Variants in ACACA observed in about 807,000 individuals in gnomAD.
ACACA encodes acetyl-CoA carboxylase alpha, also known as acetyl-CoA carboxylase 1.
ACACA carries 103 observed loss-of-function variants against 296.1 expected under a neutral mutation model. The observed-to-expected ratio is 0.35, with a 90% CI of 0.30 to 0.41. ACACA has a LOEUF of 0.41. ACACA is among the 10% of genes least tolerant of loss of function. The probability of loss-of-function intolerance (pLI) is 1.00; values close to 1 mark genes in which losing one functional copy is unlikely to be tolerated. For missense variants in ACACA, 1,554 were observed against 2,989.7 expected (o/e 0.52, Z 11.20); for synonymous variants, 953 against 1,038.6 (o/e 0.92, Z 1.58).
At chr17:37,227,957 C>G (rs547704090) in intron 25 of ACACA, among the ~76,000 whole-genome samples, 6 of 152,014 alleles carry the variant, frequency 3.9e-5, no homozygotes, top group African/African-American at 1.4e-4. Flanking sequence ...AAAGAAGACC[C>G]AAAGGGCCTG....
intron 45 of ACACA, among the ~76,000 whole-genome samples, chr17:37,141,780 C>A (rs146141512): frequency 6.6e-6 from 1 of 152,028 alleles, no homozygotes; most frequent in Admixed American, 6.6e-5. Flanking sequence ...CCACCTCTGC[C>A]TCCCAGGTTC....
chr17:37,211,074 TC>T (rs1487555014), intron 29 of ACACA, among the ~76,000 whole-genome samples: 1 of 152,066 alleles, frequency 6.6e-6, no homozygotes, highest in African/African-American at 2.4e-5. Context: ...ACCATACTCT[TC>T]CTCCCATGAA....
At chr17:37,087,540 G>A in intron 55 of ACACA, 101 bp from the exon 56 acceptor site, 1 of 1,419,978 alleles carries the variant, frequency 7.0e-7, no homozygotes, top group Non-Finnish European at 9.8e-7. Context: ...ACCGTCCACT[G>A]CAGACATTTT....
chr17:37,279,459 C>T (rs2082409454), intron 5 of ACACA, among the ~76,000 whole-genome samples: 1 of 151,994 alleles, frequency 6.6e-6, no homozygotes, highest in South Asian at 2.1e-4. Context: ...ATGGTGAAAC[C>T]CCATCTCTAC....
chr17:37,262,102 A>G (rs1203328949), intron 11 of ACACA, among the ~76,000 whole-genome samples: 1 of 152,090 alleles, frequency 6.6e-6, no homozygotes, highest in Non-Finnish European at 1.5e-5. Flanking sequence ...AGTAGGAAAA[A>G]GGATAAAGGG....
chr17:37,303,617 G>A (rs2083732936), intron 3 of ACACA, among the ~76,000 whole-genome samples: 1 of 152,192 alleles, frequency 6.6e-6, no homozygotes, highest in Non-Finnish European at 1.5e-5. Flanking sequence ...TAGCACTTTG[G>A]GAGGCCGAGG....
chr17:37,224,244 T>C (rs1223455843), intron 27 of ACACA, among the ~76,000 whole-genome samples: 2 of 152,154 alleles, frequency 1.3e-5, no homozygotes, highest in South Asian at 2.1e-4. Context: ...TACTCCACTA[T>C]GGTAAACCCT....
chr17:37,099,454 CGGG>C (rs2073189139), intron 52 of ACACA, among the ~76,000 whole-genome samples: 1 of 128,932 alleles, frequency 7.8e-6, no homozygotes, highest in African/African-American at 2.9e-5. Context: ...GGGCTGATGG[CGGG>C]AGGGCTGAGG....
intron 34 of ACACA, 31 bp from the exon 35 acceptor site, chr17:37,200,214 GAC>G: frequency 4.4e-6 from 7 of 1,580,452 alleles, no homozygotes; most frequent in Non-Finnish European, 6.1e-6. Context: ...AGGAAGGAAA[GAC>G]AGCAGAAGTT....
chr17:37,155,467 C>T (rs1295192959), intron 43 of ACACA, among the ~76,000 whole-genome samples: 5 of 151,766 alleles, frequency 3.3e-5, no homozygotes, highest in African/African-American at 1.2e-4. Context: ...TTCAGTTTTT[C>T]TAAAATGAAT....
chr17:37,122,898 C>T (rs1176922974), intron 48 of ACACA: 7 of 536,860 alleles, frequency 1.3e-5, no homozygotes, highest in African/African-American at 1.9e-5. Flanking sequence ...CTAGGGGAGC[C>T]TCTACATTTA....
intron 38 of ACACA, among the ~76,000 whole-genome samples, chr17:37,190,816 T>C (rs1446949829): frequency 6.6e-6 from 1 of 152,198 alleles, no homozygotes; most frequent in Non-Finnish European, 1.5e-5. Flanking sequence ...AGGACCACTA[T>C]TATGGCAAAT....
At chr17:37,299,267 G>T (rs903834004) in intron 3 of ACACA, 6 of 1,612,350 alleles carry the variant, frequency 3.7e-6, no homozygotes, top group Non-Finnish European at 5.1e-6. Flanking sequence ...AAATGTGGTA[G>T]CCTAACACTT....
intron 3 of ACACA, among the ~76,000 whole-genome samples, chr17:37,315,330 G>T (rs191277949): frequency 9.8e-4 from 150 of 152,292 alleles, no homozygotes; most frequent in African/African-American, 3.5e-3. Flanking sequence ...TTTTACAGAT[G>T]TCTTATGTCT....
intron 19 of ACACA, 75 bp from the exon 20 acceptor site, chr17:37,245,289 T>G: frequency 4.7e-6 from 7 of 1,489,500 alleles, no homozygotes; most frequent in African/African-American, 1.4e-5. Context: ...CTAAAATTTT[T>G]CCCTTAGCAT....
At chr17:37,302,505 C>T (rs550570058) in intron 3 of ACACA, among the ~76,000 whole-genome samples, 24 of 149,664 alleles carry the variant, frequency 1.6e-4, no homozygotes, top group Non-Finnish European at 2.8e-4. Context: ...CCACCACACC[C>T]GGCCGGTCTG....
chr17:37,269,109 G>A (rs1598363560), intron 10 of ACACA, among the ~76,000 whole-genome samples: 1 of 148,032 alleles, frequency 6.8e-6, no homozygotes, highest in African/African-American at 2.5e-5. Flanking sequence ...GGATAATGTA[G>A]CAAAACAATA....
intron 4 of ACACA, among the ~76,000 whole-genome samples, chr17:37,284,047 T>A (rs2082664855): frequency 6.6e-6 from 1 of 152,206 alleles, no homozygotes; most frequent in Admixed American, 6.5e-5. Flanking sequence ...ATTGGAAGAC[T>A]AATAAAAGGA....
chr17:37,360,606 A>T (rs530799895), intron 1 of ACACA, among the ~76,000 whole-genome samples: 1 of 152,180 alleles, frequency 6.6e-6, no homozygotes, highest in Non-Finnish European at 1.5e-5. Context: ...GTCTATATGT[A>T]GTGTACTGTG....
Sources: allele counts gnomAD v4.1 joint callset (sites outside exome capture counted in the v4.1 genomes callset), GRCh38; gene constraint gnomAD v4.1.1; transcripts MANE v1.5; gene names NCBI Gene and HGNC (gene_info 2026-07-23, HGNC 2026-07-21).